DHX32: variants seen among roughly 807,000 people sequenced by gnomAD.
The protein encoded by DHX32 is putative pre-mRNA-splicing factor ATP-dependent RNA helicase DHX32.
In DHX32, 51 loss-of-function variants were observed where a neutral mutation model predicts 70.0. The observed-to-expected ratio is 0.73, with a 90% confidence interval of 0.58 to 0.92. The LOEUF (loss-of-function observed/expected upper bound fraction) is 0.92, where lower values mean the gene tolerates loss of function less well. Ranked by LOEUF, DHX32 falls within the 40% of genes least tolerant of loss-of-function variation. The probability of loss-of-function intolerance (pLI) is 0.00; values close to 1 mark genes in which losing one functional copy is unlikely to be tolerated. For missense variants in DHX32, 762 were observed against 891.8 expected, an observed-to-expected ratio of 0.85 and a Z score of 1.85; for synonymous variants, 310 against 315.3, an observed-to-expected ratio of 0.98 and a Z score of 0.18.
At chr10:125,861,314 G>A (rs1944186837) in intron 2 of DHX32, among the ~76,000 whole-genome samples, 1 of 151,814 alleles carries the variant, frequency 6.6e-6, no homozygotes, top group African/African-American at 2.4e-5. Flanking sequence ...TGGCTAACGC[G>A]GTGAAACCCC....
chr10:125,845,966 C>G (rs1944012233), intron 6 of DHX32, among the ~76,000 whole-genome samples: 1 of 152,238 alleles, frequency 6.6e-6, no homozygotes, highest in African/African-American at 2.4e-5. Context: ...CCTCTCGACT[C>G]TCCCTGCATG....
intron 7 of DHX32, chr10:125,841,490 C>A: frequency 2.1e-6 from 3 of 1,454,128 alleles, no homozygotes; most frequent in South Asian, 3.1e-5. Context: ...CAAAAGAAAT[C>A]TAGTATGTTT....
At chr10:125,855,266 A>G (rs918187237) in intron 3 of DHX32, among the ~76,000 whole-genome samples, 6 of 151,270 alleles carry the variant, frequency 4.0e-5, no homozygotes, top group Non-Finnish European at 8.8e-5. Flanking sequence ...TGAGTACTTG[A>G]GCTGAGCTGC....
At chr10:125,844,622 A>G (rs1589705440) in intron 6 of DHX32, among the ~76,000 whole-genome samples, 1 of 152,228 alleles carries the variant, frequency 6.6e-6, no homozygotes, top group East Asian at 1.9e-4. Context: ...TCTGCATTTT[A>G]TCTCCCCAGT....
rs1944221775 is a variant in DHX32, at chr10:125,866,622, C to A, written c.476+368G>T. ...GCACAGGGAGGGGCAGGTGTACAGG[C>A]ACAGGGTGTGGAAAGCACAGGGCAC... On this transcript the variant is annotated intron_variant, in intron 2 of 10. Coordinates refer to ENST00000284690, the MANE Select transcript of DHX32 (RefSeq NM_018180.3). The surrounding 1 kb of genome is among the most constrained non-coding windows in gnomAD (Gnocchi z 4.8). 6.6e-6 allele frequency among the ~76,000 whole-genome samples: 1 copy of A among 152,214 alleles called. No individual in the cohort carries two copies. Among genetic ancestry groups the A allele is most frequent in the South Asian group, 2.1e-4 (1 of 4,832 alleles).
intron 6 of DHX32, 97 bp downstream of exon 6, chr10:125,852,196 G>T: frequency 6.9e-7 from 1 of 1,440,482 alleles, no homozygotes; most frequent in Non-Finnish European, 9.4e-7. Context: ...CCATGCTTGT[G>T]TGCATTGCTG....
At chr10:125,846,931 G>A (rs1214558335) in intron 6 of DHX32, among the ~76,000 whole-genome samples, 1 of 152,116 alleles carries the variant, frequency 6.6e-6, no homozygotes, top group African/African-American at 2.4e-5. Context: ...TACCCATCGC[G>A]GCCTGGGGGT....
chr10:125,885,530 C>T (rs933653595), upstream of DHX32, among the ~76,000 whole-genome samples: 5 of 152,026 alleles, frequency 3.3e-5, no homozygotes, highest in Admixed American at 6.6e-5. Flanking sequence ...GAAGGGGCCA[C>T]GGCCGAAGAA....
chr10:125,887,554 T>C (rs1944346958), intron 1 of DHX32, among the ~76,000 whole-genome samples: 1 of 152,228 alleles, frequency 6.6e-6, no homozygotes, highest in African/African-American at 2.4e-5. Context: ...ATTTCATTTT[T>C]TACTCTTTTT....
chr10:125,882,389 A>G (rs543979380), upstream of DHX32, among the ~76,000 whole-genome samples: 5 of 152,334 alleles, frequency 3.3e-5, no homozygotes, highest in South Asian at 6.2e-4. Context: ...TTAGTAAGTG[A>G]TAAGAAAAGC....
intron 10 of DHX32, among the ~76,000 whole-genome samples, chr10:125,837,373 G>A (rs879848825): frequency 6.6e-6 from 1 of 152,226 alleles, no homozygotes; most frequent in Non-Finnish European, 1.5e-5. Context: ...GACTAGTGGA[G>A]TAGTCTCACT....
chr10:125,875,167 C>T (rs1292373320), intron 1 of DHX32, among the ~76,000 whole-genome samples: 4 of 151,958 alleles, frequency 2.6e-5, no homozygotes, highest in East Asian at 1.9e-4. Context: ...TGCAGTGAGC[C>T]GTGATCATGC....
At position 125,838,855 on chromosome 10, in the gene DHX32, T is replaced by C. The variant is rs545796355; in HGVS notation, c.1881+146A>G. 245 of 956,776 alleles carry C rather than the reference T, an allele frequency of 2.6e-4. No individual in the cohort carries two copies. The African/African-American group carries it at 3.4e-3, about 13-fold the overall frequency. 59.3% of individuals were successfully genotyped at this position (956,776 alleles called of 1,614,324 possible). On this transcript the variant is annotated intron_variant, in intron 9 of 10. Coordinates refer to ENST00000284690, the MANE Select transcript of DHX32 (RefSeq NM_018180.3). ...CCCTTTATTCCCTTGAGGGGAAGGATACTTAAGTACCAAATCTTTAATAAT... is the reference window on the plus strand; with the variant it reads ...CCCTTTATTCCCTTGAGGGGAAGGACACTTAAGTACCAAATCTTTAATAAT...
intron 2 of DHX32, among the ~76,000 whole-genome samples, chr10:125,861,485 A>C (rs890646707): frequency 6.6e-6 from 1 of 152,136 alleles, no homozygotes; most frequent in Non-Finnish European, 1.5e-5. Context: ...CGACAGAGCG[A>C]GACTCCCCCA....
At chr10:125,852,263 T>C (rs1239825134) in intron 6 of DHX32, 30 bp downstream of exon 6, 1 of 1,608,780 alleles carries the variant, frequency 6.2e-7, no homozygotes, top group African/African-American at 1.3e-5. Context: ...CTCAGCCTAA[T>C]GCCTGGCTGA....
intron 6 of DHX32, among the ~76,000 whole-genome samples, chr10:125,846,081 A>G (rs1176386204): frequency 5.3e-5 from 8 of 152,224 alleles, no homozygotes; most frequent in African/African-American, 1.7e-4. Context: ...GGGGAAGACT[A>G]TCGGCCTTCT....
intron 1 of DHX32, among the ~76,000 whole-genome samples, chr10:125,874,383 G>A (rs571057329): frequency 3.1e-4 from 47 of 152,190 alleles, no homozygotes; most frequent in Non-Finnish European, 4.6e-4. Context: ...GATACATGTC[G>A]TCCCAATTAA....
chr10:125,869,780 A>G (rs138950990), intron 1 of DHX32, among the ~76,000 whole-genome samples: 2,331 of 152,120 alleles, frequency 0.015, 46 homozygotes, highest in Non-Finnish European at 0.02. Context: ...CTTAAGCTAC[A>G]CGTGTGGTTT....
At chr10:125,852,694 G>A in intron 4 of DHX32, 52 bp from the exon 5 acceptor site, 3 of 1,489,948 alleles carry the variant, frequency 2.0e-6, no homozygotes, top group Non-Finnish European at 2.7e-6. Context: ...TGATTCAGTA[G>A]GCTCACTGAT....
Sources: allele counts gnomAD v4.1 joint callset (sites outside exome capture counted in the v4.1 genomes callset), GRCh38; gene constraint gnomAD v4.1.1; non-coding constraint Gnocchi (gnomAD v3.1); transcripts MANE v1.5; gene names NCBI Gene and HGNC (gene_info 2026-07-23, HGNC 2026-07-21).